PARD3B: variants seen among roughly 807,000 people sequenced by gnomAD.
PARD3B encodes partitioning defective 3 homolog B.
A neutral mutation model predicts 130.2 loss-of-function variants in PARD3B; 103 were observed. The ratio of observed to expected loss-of-function variants is 0.79; its 90% CI spans 0.67 to 0.93. The LOEUF is 0.93. Among genes scored for constraint, PARD3B ranks in the 40% least tolerant of loss-of-function variants. The pLI is 0.00. For synonymous variants in PARD3B, 583 were observed against 553.2 expected (o/e 1.05, Z -0.76); for missense variants, 1,609 against 1,499.2 (o/e 1.07, Z -1.21).
chr2:204,863,801 A>T (rs1414100059), intron 2 of PARD3B, among the ~76,000 whole-genome samples: 1 of 152,246 alleles, frequency 6.6e-6, no homozygotes, highest in Non-Finnish European at 1.5e-5. Flanking sequence ...GACAGAGAGT[A>T]TTCCCAAATA....
At chr2:205,485,166 T>C (rs2049389905) in intron 20 of PARD3B, among the ~76,000 whole-genome samples, 1 of 152,194 alleles carries the variant, frequency 6.6e-6, no homozygotes, top group Non-Finnish European at 1.5e-5. Flanking sequence ...GGGTCTAGTT[T>C]CATTTGTTTT....
intron 20 of PARD3B, among the ~76,000 whole-genome samples, chr2:205,490,122 T>C (rs1019604657): frequency 1.5e-4 from 23 of 152,062 alleles, no homozygotes; most frequent in African/African-American, 5.6e-4. Context: ...TTCTTTTTTA[T>C]ATATATATAC....
chr2:205,089,311 C>T (rs1701954199), intron 4 of PARD3B, among the ~76,000 whole-genome samples: 1 of 152,012 alleles, frequency 6.6e-6, no homozygotes, highest in South Asian at 2.1e-4. Flanking sequence ...GCTGGGATTA[C>T]AGGCACCTGC....
chr2:205,460,327 G>T lies in PARD3B; in HGVS notation c.3044+19655G>T, dbSNP rs1220209540. ...ATCAGATAAAGGATGCCCAGAATTT[G>T]CTCAGATGTGAGTTTCAGGATCTAG... On this transcript the variant is annotated intron_variant, in intron 20 of 22. Coordinates refer to ENST00000406610, the MANE Select transcript of PARD3B (RefSeq NM_001302769.2). The surrounding 1 kb of genome is among the most constrained non-coding windows in gnomAD (Gnocchi z 4.9). Among the ~76,000 whole-genome samples, 1 of 151,948 alleles carries T rather than the reference G, an allele frequency of 6.6e-6. No homozygotes were observed. Among genetic ancestry groups the T allele is most frequent in the Non-Finnish European group, 1.5e-5 (1 of 67,984 alleles).
intron 19 of PARD3B, among the ~76,000 whole-genome samples, chr2:205,426,260 A>G (rs757426777): frequency 6.6e-6 from 1 of 152,072 alleles, no homozygotes; most frequent in Non-Finnish European, 1.5e-5. Flanking sequence ...TTTTAATACT[A>G]CTACTACTAA....
At chr2:205,238,882 G>GTGTGTATATATATATATATATATGTA (rs1559575033) in intron 15 of PARD3B, among the ~76,000 whole-genome samples, 3 of 72,396 alleles carry the variant, frequency 4.1e-5, no homozygotes, top group African/African-American at 1.7e-4. Context: ...ATATATGTAT[G>GTGTGTATATATATATATATATATGTA]TGTGTATATA....
chr2:204,720,258 C>T (rs2125318065), intron 2 of PARD3B, among the ~76,000 whole-genome samples: 1 of 152,304 alleles, frequency 6.6e-6, no homozygotes, highest in African/African-American at 2.4e-5. Flanking sequence ...ATAGAAGCTA[C>T]ATTAGGTCTG....
intron 4 of PARD3B, among the ~76,000 whole-genome samples, chr2:205,051,941 C>G (rs993790844): frequency 1.3e-5 from 2 of 152,152 alleles, no homozygotes; most frequent in East Asian, 3.8e-4. Flanking sequence ...AACTGTTTAT[C>G]TTTCAAGACA....
At chr2:205,395,450 C>T (rs2045993393) in intron 18 of PARD3B, among the ~76,000 whole-genome samples, 1 of 152,162 alleles carries the variant, frequency 6.6e-6, no homozygotes. Flanking sequence ...TTCTAGCTCT[C>T]TTGCTGTTCT....
intron 4 of PARD3B, among the ~76,000 whole-genome samples, chr2:205,093,165 A>G (rs1702209977): frequency 6.6e-6 from 1 of 152,176 alleles, no homozygotes; most frequent in African/African-American, 2.4e-5. Context: ...TACTCTGCAC[A>G]TGGAGTCTAG....
intron 3 of PARD3B, among the ~76,000 whole-genome samples, chr2:204,983,296 C>A (rs556442688): frequency 1.3e-5 from 2 of 151,876 alleles, no homozygotes; most frequent in African/African-American, 2.4e-5. Flanking sequence ...TAGTTGTTAA[C>A]TCTGCATTGT....
chr2:204,932,607 A>G (rs2125780391), intron 2 of PARD3B, among the ~76,000 whole-genome samples: 1 of 152,316 alleles, frequency 6.6e-6, no homozygotes, highest in African/African-American at 2.4e-5. Context: ...AAGAATAGAT[A>G]TCTAAATAAT....
chr2:205,005,413 A>T (rs1173622871), intron 3 of PARD3B, among the ~76,000 whole-genome samples: 1 of 152,140 alleles, frequency 6.6e-6, no homozygotes. Context: ...ATAAGTATTA[A>T]AAGGGCACAA....
intron 3 of PARD3B, among the ~76,000 whole-genome samples, chr2:205,035,820 T>TATATATATATATATATATATATAGTGGG (rs1491091922): frequency 3.1e-3 from 7 of 2,292 alleles, no homozygotes; most frequent in East Asian, 0.013. Flanking sequence ...TATATATATA[T>TATATATATATATATATATATATAGTGGG]CTATATATCT....
intron 15 of PARD3B, among the ~76,000 whole-genome samples, chr2:205,243,724 G>A (rs1023849110): frequency 9.9e-5 from 15 of 152,172 alleles, no homozygotes; most frequent in Non-Finnish European, 1.3e-4. Flanking sequence ...GTGTAATGGA[G>A]TGGTTAAGAG....
intron 2 of PARD3B, among the ~76,000 whole-genome samples, chr2:204,944,570 G>A (rs535433769): frequency 8.7e-4 from 133 of 152,292 alleles, no homozygotes; most frequent in Middle Eastern, 3.4e-3. Flanking sequence ...AAGGCAAGGC[G>A]CCTGGCTAAT....
chr2:205,216,833 G>A (rs2037939072), intron 15 of PARD3B, among the ~76,000 whole-genome samples: 1 of 152,142 alleles, frequency 6.6e-6, no homozygotes. Context: ...GTAAGCAGGA[G>A]TTCATTTGTC....
chr2:205,332,174 C>T (rs1221906685), intron 18 of PARD3B, among the ~76,000 whole-genome samples: 1 of 152,142 alleles, frequency 6.6e-6, no homozygotes, highest in African/African-American at 2.4e-5. Context: ...TTTCTGTGGG[C>T]CCTCTGTCAG....
chr2:204,895,430 T>C (rs1217791709), intron 2 of PARD3B, among the ~76,000 whole-genome samples: 4 of 152,126 alleles, frequency 2.6e-5, no homozygotes, highest in Admixed American at 1.3e-4. Flanking sequence ...AAACTGATGT[T>C]ATAACCCAGC....
Sources: allele counts gnomAD v4.1 joint callset (sites outside exome capture counted in the v4.1 genomes callset), GRCh38; gene constraint gnomAD v4.1.1; non-coding constraint Gnocchi (gnomAD v3.1); transcripts MANE v1.5; gene names NCBI Gene and HGNC (gene_info 2026-07-23, HGNC 2026-07-21).